CEP104: variants seen among roughly 807,000 people sequenced by gnomAD.
CEP104 encodes centrosomal protein 104.
Under a neutral mutation model 113.3 loss-of-function variants are expected in CEP104, and 84 were observed. The observed-to-expected ratio is 0.74, with a 90% CI of 0.62 to 0.89. The LOEUF is 0.89. CEP104 is among the 40% of genes least tolerant of loss of function. The probability of loss-of-function intolerance (pLI) is 0.00; values close to 1 mark genes in which losing one functional copy is unlikely to be tolerated. For missense variants in CEP104, 1,053 were observed against 1,156.6 expected (o/e 0.91, Z 1.30); for synonymous variants, 378 against 421.7 (o/e 0.90, Z 1.27).
chr1:3,842,866 C>T (rs1250489732), intron 6 of CEP104, among the ~76,000 whole-genome samples: 1 of 152,092 alleles, frequency 6.6e-6, no homozygotes, highest in African/African-American at 2.4e-5. Context: ...TGGCTCACTG[C>T]AACCTCCACC....
At position 3,825,782 on chromosome 1, in the gene CEP104, C is replaced by T. The variant is rs1167161154; in HGVS notation, c.2340G>A (p.Leu780=). The T allele has an allele frequency of 6.2e-7, 1 of 1,613,572 alleles. No homozygotes were observed. The highest frequency in any genetic ancestry group is 1.1e-5 in the South Asian group (1 of 91,052). ...DLHYWKHCLM[L]TRCDHCKQVV... ...CCTGTTTGCAGTGGTCACATCTTGT[C>T]AGCATGAGACAGTGCTTCCAGTAGT... Residue 780 remains leucine (L), a synonymous_variant, in exon 18 of 22, where the codon CTG becomes CTA. Transcript: ENST00000378230.
chr1:3,833,809 T>C, intron 12 of CEP104, 53 bp downstream of exon 12: 2 of 1,551,596 alleles, frequency 1.3e-6, no homozygotes, highest in Non-Finnish European at 1.8e-6. Context: ...GCCAGAGAGC[T>C]ACAGGAATAT....
At position 3,819,345 on chromosome 1, in the gene CEP104, G is replaced by A. The variant is rs1264611843; in HGVS notation, c.2572-2975C>T. Among the ~76,000 whole-genome samples the A allele has an allele frequency of 1.3e-5, 2 of 152,176 alleles. No homozygotes were observed. Among genetic ancestry groups the A allele is most frequent in the East Asian group, 3.8e-4 (2 of 5,198 alleles). On this transcript the variant is annotated intron_variant, in intron 20 of 21. Transcript: ENST00000378230. This position sits in a 1 kb window ranked among gnomAD's most constrained non-coding sequence, Gnocchi z 4.6. ...TGGGGAGAAAAGGGGCGGCATGTAG[G>A]CAGTGTTGTCTTTTGGGTGATGGAA...
rs1643809615 is a variant in CEP104 at position 3,812,274 on chromosome 1, T to G, written c.*3128A>C. The G allele has an allele frequency of 6.6e-6, 1 of 152,200 alleles. No homozygotes were observed. Among genetic ancestry groups the G allele is most frequent in the South Asian group, 2.1e-4 (1 of 4,830 alleles). 9.4% of individuals were successfully genotyped at this position (152,200 alleles called of 1,614,324 possible). ...AAAAACATTTACATTTGTATCCTAATGCCAATTTATACATACAATTCTTTT... is the reference window on the plus strand; with the variant it reads ...AAAAACATTTACATTTGTATCCTAAGGCCAATTTATACATACAATTCTTTT... On this transcript the variant is annotated 3_prime_UTR_variant, in exon 22 of 22. Transcript: ENST00000378230.
chr1:3,845,080 G>T, intron 5 of CEP104, 97 bp from the exon 6 acceptor site: 1 of 1,126,500 alleles, frequency 8.9e-7, no homozygotes. Context: ...CTGTCAGCAA[G>T]GTTCAATGAT....
At chr1:3,827,318 C>T in intron 15 of CEP104, among the ~76,000 whole-genome samples, 1 of 152,068 alleles carries the variant, frequency 6.6e-6, no homozygotes, top group East Asian at 1.9e-4. Flanking sequence ...GGGTGCAAGC[C>T]ATCCTCCTGC....
At position 3,830,968 on chromosome 1, in the gene CEP104, C is replaced by T. The variant is rs201275084; in HGVS notation, c.1836+78G>A. 3.1e-5 allele frequency: 43 copies of T among 1,379,338 alleles called. No homozygotes were observed. The East Asian group carries it at 7.5e-4, about 24-fold the overall frequency. The allele number at this position is 1,379,338 out of a possible 1,614,324, so 85.4% of individuals were successfully genotyped here. On this transcript the variant is annotated intron_variant, in intron 13 of 21. Coordinates refer to ENST00000378230, the MANE Select transcript of CEP104 (RefSeq NM_014704.4). ...CCTCAGTCATTCCTTCAACAAATGC[C>T]GATGAGACCCTCGCCACGCTCCAGG...
chr1:3,853,687 T>G (rs1173268031), intron 1 of CEP104, among the ~76,000 whole-genome samples: 1 of 152,220 alleles, frequency 6.6e-6, no homozygotes, highest in Non-Finnish European at 1.5e-5. Flanking sequence ...AATAGAATGA[T>G]AAACCATCGA....
chr1:3,847,985 C>T (rs1644538709), intron 3 of CEP104, among the ~76,000 whole-genome samples: 1 of 152,138 alleles, frequency 6.6e-6, no homozygotes, highest in Non-Finnish European at 1.5e-5. Context: ...TAGACGCTCA[C>T]CACCATGCCC....
At chr1:3,841,200 C>T (rs997518136) in intron 6 of CEP104, among the ~76,000 whole-genome samples, 7 of 152,168 alleles carry the variant, frequency 4.6e-5, no homozygotes, top group African/African-American at 1.7e-4. Flanking sequence ...AATGAAAACA[C>T]TTGTCGTAAA....
At chr1:3,829,226 A>G in intron 15 of CEP104, 40 bp downstream of exon 15, 2 of 1,355,262 alleles carry the variant, frequency 1.5e-6, no homozygotes, top group East Asian at 4.7e-5. Context: ...AATACATTTC[A>G]GCTAAAAGCA....
At chr1:3,840,616 G>A (rs140144901) in intron 6 of CEP104, among the ~76,000 whole-genome samples, 42 of 152,144 alleles carry the variant, frequency 2.8e-4, no homozygotes, top group African/African-American at 9.6e-4. Flanking sequence ...TGGGCTCACT[G>A]CAACCTCTGC....
intron 17 of CEP104, among the ~76,000 whole-genome samples, 173 bp downstream of exon 17, chr1:3,826,197 G>C (rs974948645): frequency 1.3e-5 from 2 of 152,228 alleles, no homozygotes; most frequent in African/African-American, 4.8e-5. Context: ...TAAACAGAGG[G>C]AAAGTTGTCT....
intron 8 of CEP104, 26 bp downstream of exon 8, chr1:3,838,938 C>T: frequency 6.2e-7 from 1 of 1,612,832 alleles, no homozygotes; most frequent in Non-Finnish European, 8.5e-7. Flanking sequence ...GGCTTTCCTC[C>T]ACTCCGTCTG....
chr1:3,830,600 C>T (rs1047238824), intron 13 of CEP104, among the ~76,000 whole-genome samples: 2 of 151,796 alleles, frequency 1.3e-5, no homozygotes, highest in Admixed American at 1.3e-4. Flanking sequence ...AGTGAAACCC[C>T]GTCTCTACTA....
Position 3,829,290 on chromosome 1 carries a change from C to G in CEP104, c.2127G>C (p.Leu709=), listed in dbSNP as rs1228921351. 6.3e-7 allele frequency: 1 copy of G among 1,584,052 alleles called. No individual in the cohort carries two copies. The highest frequency in any genetic ancestry group is 2.0e-5 in the Admixed American group (1 of 49,594). The change falls in exon 15 of 22, where the codon CTG becomes CTC. Residue 709 remains leucine, a synonymous_variant. Transcript: ENST00000378230. The part of the protein sequence containing the change: ...IKALQGQLAA[L]KEIQAEVQEK... ...CCTGAACTTCAGCCTGAATTTCTTT[C>G]AGTGCTGCCAGCTGCCCTTGTAAAG...
At chr1:3,846,960 T>A (rs1644519118) in intron 4 of CEP104, among the ~76,000 whole-genome samples, 1 of 152,224 alleles carries the variant, frequency 6.6e-6, no homozygotes, top group Non-Finnish European at 1.5e-5. Flanking sequence ...CTGGATTACA[T>A]GCAACATTCA....
intron 18 of CEP104, among the ~76,000 whole-genome samples, chr1:3,824,099 T>A (rs1048953756): frequency 6.6e-6 from 1 of 152,146 alleles, no homozygotes; most frequent in Non-Finnish European, 1.5e-5. Context: ...ATATATATAT[T>A]TTTTGAGATG....
In CEP104 at chr1:3,813,849, C is replaced by G. The variant is rs999585199; in HGVS notation, c.*1553G>C. Reference sequence around the variant, plus strand: ...CGGGCGACACAGTGAGACTCCGTCGCAAACAAGCAGACAAACAACACTGAG... The same window carrying G: ...CGGGCGACACAGTGAGACTCCGTCGGAAACAAGCAGACAAACAACACTGAG... On this transcript the variant is annotated 3_prime_UTR_variant, in exon 22 of 22. Transcript: ENST00000378230. 6.6e-6 allele frequency: 1 copy of G among 151,920 alleles called. No homozygotes were observed. Among genetic ancestry groups the G allele is most frequent in the African/African-American group, 2.4e-5 (1 of 41,364 alleles). 9.4% of individuals were successfully genotyped at this position (151,920 alleles called of 1,614,324 possible).
Sources: allele counts gnomAD v4.1 joint callset (sites outside exome capture counted in the v4.1 genomes callset), GRCh38; gene constraint gnomAD v4.1.1; non-coding constraint Gnocchi (gnomAD v3.1); transcripts MANE v1.5; gene names NCBI Gene and HGNC (gene_info 2026-07-23, HGNC 2026-07-21).